Variants in CYP7B1 observed in about 807,000 individuals in gnomAD.
The protein encoded by CYP7B1 is cytochrome P450 family 7 subfamily B member 1, also known as cytochrome P450 7B1.
CYP7B1 carries 29 observed loss-of-function variants against 42.7 expected under a neutral mutation model. That is an observed-to-expected ratio of 0.68 (90% CI 0.51 to 0.93). CYP7B1 has a LOEUF of 0.93. CYP7B1 is among the 40% of genes least tolerant of loss of function. CYP7B1 has a pLI of 0.00. For missense variants in CYP7B1, 655 were observed against 600.5 expected (o/e 1.09, Z -0.95); for synonymous variants, 235 against 218.2 (o/e 1.08, Z -0.68).
At chr8:64,606,380 A>C (rs1805282974) in intron 4 of CYP7B1, among the ~76,000 whole-genome samples, 1 of 152,214 alleles carries the variant, frequency 6.6e-6, no homozygotes, top group Non-Finnish European at 1.5e-5. Context: ...GCTCTGTTGG[A>C]GCAACAATAG....
At chr8:64,666,485 G>A (rs1806281505) in intron 1 of CYP7B1, among the ~76,000 whole-genome samples, 1 of 152,182 alleles carries the variant, frequency 6.6e-6, no homozygotes, top group Admixed American at 6.5e-5. Flanking sequence ...AGAGAGAATT[G>A]CTCAGAGCAG....
At chr8:64,719,204 T>C (rs1807201955) in intron 1 of CYP7B1, among the ~76,000 whole-genome samples, 1 of 152,152 alleles carries the variant, frequency 6.6e-6, no homozygotes, top group African/African-American at 2.4e-5. Context: ...ACTAAAACCA[T>C]AAGGTCTCTT....
intron 1 of CYP7B1, among the ~76,000 whole-genome samples, chr8:64,706,423 A>G (rs780024103): frequency 6.6e-6 from 1 of 152,052 alleles, no homozygotes; most frequent in African/African-American, 2.4e-5. Context: ...AGTGTTCATC[A>G]TTTAAGCACA....
chr8:64,742,288 C>T (rs75555763), intron 1 of CYP7B1, among the ~76,000 whole-genome samples: 6,244 of 152,098 alleles, frequency 0.041, 173 homozygotes, highest in Middle Eastern at 0.12. Flanking sequence ...TAATAGAATG[C>T]TAAGCCATTA....
chr8:64,761,407 A>G (rs1807887729), intron 1 of CYP7B1, among the ~76,000 whole-genome samples: 1 of 152,180 alleles, frequency 6.6e-6, no homozygotes, highest in South Asian at 2.1e-4. Context: ...GAATAATTAC[A>G]TAAGATATAC....
chr8:64,613,810 G>A (rs1734696649), intron 4 of CYP7B1, among the ~76,000 whole-genome samples: 1 of 152,004 alleles, frequency 6.6e-6, no homozygotes, highest in Non-Finnish European at 1.5e-5. Flanking sequence ...TGTCTCAATG[G>A]GCCTTAGCCT....
rs375386054 is a variant in CYP7B1 at position 64,599,323 on chromosome 8, G to C, written c.1234-2394C>G. 4.1e-4 allele frequency among the ~76,000 whole-genome samples: 62 copies of C among 152,038 alleles called. No homozygotes were observed. In the East Asian group the frequency reaches 9.3e-3, roughly 23 times the overall value. On this transcript the variant is annotated intron_variant, in intron 5 of 5. Coordinates refer to ENST00000310193, the MANE Select transcript of CYP7B1 (RefSeq NM_004820.5). ...CCTGCCTCAGCCTCCCAAGTAGCTG[G>C]GACTACAGGCGCCCACCACCACGCC...
chr8:64,587,694 T>G (rs1585790571), downstream of CYP7B1: 1 of 152,242 alleles, frequency 6.6e-6, no homozygotes, highest in East Asian at 1.9e-4. Flanking sequence ...GTTTCTTAAC[T>G]ATTGCAAAAT....
intron 4 of CYP7B1, among the ~76,000 whole-genome samples, chr8:64,608,280 AGGAT>A (rs745744340): frequency 8.9e-4 from 135 of 152,370 alleles, no homozygotes; most frequent in Non-Finnish European, 5.4e-4. Context: ...GCTGTAATAA[AGGAT>A]GGATGATTCT....
At chr8:64,756,170 C>T (rs995602827) in intron 1 of CYP7B1, among the ~76,000 whole-genome samples, 7 of 152,056 alleles carry the variant, frequency 4.6e-5, no homozygotes, top group Non-Finnish European at 8.8e-5. Context: ...TCCCTCATTT[C>T]CCCCCCTCTA....
intron 1 of CYP7B1, among the ~76,000 whole-genome samples, chr8:64,758,090 C>T (rs1004271562): frequency 2.6e-5 from 4 of 152,188 alleles, no homozygotes; most frequent in African/African-American, 9.7e-5. Context: ...CAGGCTCAGG[C>T]TCTGCTTTCA....
rs75084833 is a variant in CYP7B1, at chr8:64,775,678, G to A, written c.122+22788C>T. ...AATACATTGTGATGTGAATTCTGAC[G>A]TGCTGTGGGAACCTAGGGGAAGAGA... On this transcript the variant is annotated intron_variant, in intron 1 of 5. Transcript: ENST00000310193. Among the ~76,000 whole-genome samples the A allele has an allele frequency of 1.2e-3, 178 of 152,168 alleles. 4 individuals carry two copies. The East Asian group carries it at 0.03, about 26-fold the overall frequency.
chr8:64,672,895 T>C (rs1483309190), intron 1 of CYP7B1, among the ~76,000 whole-genome samples: 1 of 152,134 alleles, frequency 6.6e-6, no homozygotes, highest in Non-Finnish European at 1.5e-5. Context: ...CAGGATTTCT[T>C]GGATTGCAGG....
rs1003353147 is a variant in CYP7B1, at chr8:64,591,958, C to T, written c.*4684G>A. Among the ~76,000 whole-genome samples, 28 of 152,154 alleles carry T rather than the reference C, an allele frequency of 1.8e-4. No individual in the cohort carries two copies. The highest frequency in any genetic ancestry group is 1.6e-3 in the Admixed American group (25 of 15,266). ...ACCCCAGCACTTAGGGAGTCCGAGG[C>T]GGGTGGATCACCTGAGGTCTGGAGT... On this transcript the variant is annotated 3_prime_UTR_variant, in exon 6 of 6. Transcript: ENST00000310193.
At chr8:64,614,127 T>C (rs1194331502) in intron 4 of CYP7B1, among the ~76,000 whole-genome samples, 3 of 152,096 alleles carry the variant, frequency 2.0e-5, no homozygotes, top group Non-Finnish European at 4.4e-5. Flanking sequence ...GAATAACTCA[T>C]TGGTATGGAA....
At chr8:64,599,785 G>C (rs531212342) in intron 5 of CYP7B1, among the ~76,000 whole-genome samples, 73 of 152,310 alleles carry the variant, frequency 4.8e-4, no homozygotes, top group Non-Finnish European at 9.6e-4. Flanking sequence ...TCTAGGAGAA[G>C]TCCCCTTTCT....
At chr8:64,794,949 A>G (rs1242967480) in intron 1 of CYP7B1, among the ~76,000 whole-genome samples, 1 of 152,206 alleles carries the variant, frequency 6.6e-6, no homozygotes, top group Non-Finnish European at 1.5e-5. Context: ...GACTGGCATT[A>G]TTAAATACTG....
intron 2 of CYP7B1, 45 bp downstream of exon 2, chr8:64,624,358 G>A (rs1169688830): frequency 6.3e-7 from 1 of 1,575,900 alleles, no homozygotes; most frequent in East Asian, 2.2e-5. Flanking sequence ...AAGAACAAGT[G>A]AAAAATGATG....
At chr8:64,726,282 T>C (rs1807323546) in intron 1 of CYP7B1, among the ~76,000 whole-genome samples, 1 of 152,194 alleles carries the variant, frequency 6.6e-6, no homozygotes, top group Admixed American at 6.5e-5. Flanking sequence ...GCTAGCCCCA[T>C]AAATCTACAA....
Sources: allele counts gnomAD v4.1 joint callset (sites outside exome capture counted in the v4.1 genomes callset), GRCh38; gene constraint gnomAD v4.1.1; transcripts MANE v1.5; gene names NCBI Gene and HGNC (gene_info 2026-07-23, HGNC 2026-07-21).